Variants in CFAP92 observed in about 807,000 individuals in gnomAD.
CFAP92 encodes cilia and flagella associated protein 92 (putative).
CFAP92 carries 86 observed loss-of-function variants against 106.3 expected under a neutral mutation model. The ratio of observed to expected loss-of-function variants is 0.81; its 90% CI spans 0.68 to 0.97. The LOEUF is 0.97. CFAP92 is among the 50% of genes least tolerant of loss of function. The pLI is 0.00. For missense variants in CFAP92, 1,204 were observed against 1,283.8 expected, an observed-to-expected ratio of 0.94 and a Z score of 0.95; for synonymous variants, 477 against 506.4, an observed-to-expected ratio of 0.94 and a Z score of 0.78.
In CFAP92 at chr3:128,910,180, G is replaced by A; in HGVS notation, c.*119C>T. ...CCCAGCCCAGCCTCACACAGGGCCTGGCTGCTGCCATCTGTCCTGCTGCAC... is the reference window on the plus strand; with the variant it reads ...CCCAGCCCAGCCTCACACAGGGCCTAGCTGCTGCCATCTGTCCTGCTGCAC... On this transcript the variant is annotated 3_prime_UTR_variant, in exon 16 of 16. Coordinates refer to ENST00000645291, the MANE Select transcript of CFAP92 (RefSeq NM_001394090.1). 1 of 1,613,624 alleles carries A rather than the reference G, an allele frequency of 6.2e-7. No individual in the cohort carries two copies.
intron 9 of CFAP92, among the ~76,000 whole-genome samples, chr3:128,964,145 G>A (rs1942179334): frequency 6.6e-6 from 1 of 152,106 alleles, no homozygotes; most frequent in African/African-American, 2.4e-5. Flanking sequence ...CTCTTAGTAG[G>A]TTTCAGTGAA....
chr3:128,922,240 G>T (rs904554889), intron 12 of CFAP92, among the ~76,000 whole-genome samples: 1 of 152,056 alleles, frequency 6.6e-6, no homozygotes. Flanking sequence ...CTCTCAGGGA[G>T]GCTGAGGCAG....
chr3:128,981,977 G>A (rs1215477694), intron 4 of CFAP92, among the ~76,000 whole-genome samples: 2 of 152,216 alleles, frequency 1.3e-5, no homozygotes, highest in Admixed American at 6.5e-5. Flanking sequence ...AGCACAGGCA[G>A]ACTTAGCATC....
chr3:129,017,797 C>T, the CFAP92 span, among the ~76,000 whole-genome samples: 1 of 152,200 alleles, frequency 6.6e-6, no homozygotes, highest in Non-Finnish European at 1.5e-5. Flanking sequence ...GAGTGACAGG[C>T]TCACTTCACT....
rs1436809464 is a variant in CFAP92, at chr3:128,945,972, G to A, written c.1357C>T (p.Leu453=). ...TACTTGCAGTACACAGGCATGCACAGCCTCTACGAGAGAGCAGGGCCACAG... is the reference window on the plus strand; with the variant it reads ...TACTTGCAGTACACAGGCATGCACAACCTCTACGAGAGAGCAGGGCCACAG... The part of the protein sequence containing the change: ...QPVPIQELER[L]CMPVYCKYQF... Residue 453 remains leucine, a synonymous_variant, in exon 10 of 16, where the codon CTG becomes TTG. Coordinates refer to ENST00000645291, the MANE Select transcript of CFAP92 (RefSeq NM_001394090.1). 1 of 1,428,846 alleles carries A rather than the reference G, an allele frequency of 7.0e-7. No individual in the cohort carries two copies. Among genetic ancestry groups the A allele is most frequent in the Admixed American group, 3.0e-5 (1 of 33,578 alleles). 88.5% of individuals were successfully genotyped at this position (1,428,846 alleles called of 1,614,324 possible). A position where few individuals can be genotyped will look rare whatever the true frequency, so the allele number is the denominator to read the frequency against.
rs1224480347 is a variant in CFAP92, at chr3:128,979,855, G to A, written c.668-1670C>T. 2.0e-5 allele frequency among the ~76,000 whole-genome samples: 3 copies of A among 151,366 alleles called. No homozygotes were observed. In the East Asian group the frequency reaches 5.8e-4, roughly 29 times the overall value. ...GAGATATACCTAATGTAAATGACGA[G>A]TTAATGGGGGTAGCACACCAACATG... On this transcript the variant is annotated intron_variant, in intron 4 of 15. Transcript: ENST00000645291.
intron 9 of CFAP92, among the ~76,000 whole-genome samples, chr3:128,946,330 G>C (rs940915701): frequency 1.3e-5 from 2 of 152,196 alleles, no homozygotes; most frequent in East Asian, 3.8e-4. Context: ...GTACAGAGAA[G>C]TGATTTTTAG....
the CFAP92 span, among the ~76,000 whole-genome samples, chr3:129,011,585 C>A: frequency 1.3e-5 from 2 of 151,874 alleles, no homozygotes; most frequent in African/African-American, 4.8e-5. Context: ...CAGGGACACT[C>A]ATTCTTGTCT....
At chr3:129,001,810 A>C (rs1156503589) in intron 1 of CFAP92, 2 of 1,545,284 alleles carry the variant, frequency 1.3e-6, no homozygotes, top group Non-Finnish European at 1.7e-6. Context: ...TACCTGCAGG[A>C]GGTCTTCCAC....
the CFAP92 span, among the ~76,000 whole-genome samples, chr3:129,010,313 T>G: frequency 7.2e-5 from 11 of 152,120 alleles, no homozygotes; most frequent in South Asian, 1.7e-3. The surrounding 1 kb of genome is among the most constrained non-coding windows in gnomAD (Gnocchi z 4.3). Flanking sequence ...AGCAGCTGAG[T>G]CCCCTTGATG....
chr3:129,002,034 G>T, intron 1 of CFAP92: 1 of 1,543,990 alleles, frequency 6.5e-7, no homozygotes, highest in African/African-American at 1.4e-5. Flanking sequence ...GCTGCGCGCC[G>T]AGCCGCCGGA....
intron 4 of CFAP92, among the ~76,000 whole-genome samples, chr3:128,983,511 C>CT (rs1943655013): frequency 6.6e-6 from 1 of 152,106 alleles, no homozygotes; most frequent in African/African-American, 2.4e-5. Flanking sequence ...TCCTCAATGC[C>CT]TTTCATTTCT....
the CFAP92 span, among the ~76,000 whole-genome samples, chr3:129,016,717 C>T: frequency 6.6e-6 from 1 of 152,088 alleles, no homozygotes; most frequent in Non-Finnish European, 1.5e-5. Context: ...AACCCTGACT[C>T]GTACAGGGCC....
intron 12 of CFAP92, among the ~76,000 whole-genome samples, chr3:128,925,774 C>T (rs546510949): frequency 1.3e-5 from 2 of 152,020 alleles, no homozygotes; most frequent in African/African-American, 4.8e-5. Context: ...CTGCCGAAAA[C>T]CAAAGAAAAT....
chr3:128,933,462 T>C (rs1236828774), intron 11 of CFAP92, among the ~76,000 whole-genome samples: 2 of 152,198 alleles, frequency 1.3e-5, no homozygotes, highest in Admixed American at 6.5e-5. Context: ...CAAAGCCTCC[T>C]CCTGGGTGCC....
intron 2 of CFAP92, among the ~76,000 whole-genome samples, chr3:128,992,085 A>C (rs955515797): frequency 6.6e-6 from 1 of 152,170 alleles, no homozygotes. Flanking sequence ...GAGCAGCATG[A>C]AGCAGAGCTG....
intron 11 of CFAP92, among the ~76,000 whole-genome samples, chr3:128,933,694 A>T (rs1293811068): frequency 6.6e-6 from 1 of 152,190 alleles, no homozygotes; most frequent in African/African-American, 2.4e-5. Context: ...GCTACCTTGG[A>T]TGCAGTAAGC....
upstream of CFAP92, among the ~76,000 whole-genome samples, chr3:128,996,147 T>A (rs763625691): frequency 3.2e-4 from 49 of 152,176 alleles, no homozygotes; most frequent in Non-Finnish European, 4.0e-4. Flanking sequence ...AATGGCCACA[T>A]GAAACTGTTG....
upstream of CFAP92, among the ~76,000 whole-genome samples, chr3:128,998,842 T>A (rs938084958): frequency 3.3e-5 from 5 of 152,234 alleles, no homozygotes; most frequent in Non-Finnish European, 7.3e-5. Context: ...TCAAGTTGAA[T>A]GAGCTACGAT....
Sources: allele counts gnomAD v4.1 joint callset (sites outside exome capture counted in the v4.1 genomes callset), GRCh38; gene constraint gnomAD v4.1.1; non-coding constraint Gnocchi (gnomAD v3.1); transcripts MANE v1.5; gene names NCBI Gene and HGNC (gene_info 2026-07-23, HGNC 2026-07-21).